COL3A1: variants seen among roughly 807,000 people sequenced by gnomAD.
COL3A1 encodes collagen alpha-1(III) chain.
COL3A1 carries 46 observed loss-of-function variants against 200.9 expected under a neutral mutation model. That is an observed-to-expected ratio of 0.23 (90% confidence interval 0.18 to 0.29). The LOEUF is 0.29. COL3A1 is among the 10% of genes least tolerant of loss of function. COL3A1 has a pLI of 1.00. For missense variants in COL3A1, 1,367 were observed against 1,917.6 expected (o/e 0.71, Z 5.36); for synonymous variants, 650 against 628.0 (o/e 1.03, Z -0.52).
intron 24 of COL3A1, 46 bp downstream of exon 24, chr2:188,996,542 C>CTT (rs777107185): frequency 2.0e-6 from 3 of 1,493,746 alleles, no homozygotes; most frequent in Non-Finnish European, 2.8e-6. Context: ...GACTGGAAGG[C>CTT]TTTTATTTTC....
chr2:189,006,441 A>C lies in COL3A1; in HGVS notation c.3190A>C (p.Arg1064=), dbSNP rs1688588166. Reference sequence around the variant, plus strand: ...CGGTCCAGCTGGAAAGAGTGGTGACAGAGGAGAAAGTGTGAGTTCCCAAAA... The same window carrying C: ...CGGTCCAGCTGGAAAGAGTGGTGACCGAGGAGAAAGTGTGAGTTCCCAAAA... ...PVGPAGKSGD[R]GESGPAGPAG... Residue 1064 remains arginine, a synonymous_variant, in exon 43 of 51, where the codon AGA becomes CGA. Transcript: ENST00000304636. 6.2e-7 allele frequency: 1 copy of C among 1,613,938 alleles called. No individual in the cohort carries two copies. Among genetic ancestry groups the C allele is most frequent in the Admixed American group, 1.7e-5 (1 of 59,994 alleles).
rs373994011 is a variant in COL3A1 at position 189,004,252 on chromosome 2, A to G, written c.2824-5A>G. 1 of 1,601,406 alleles carries G rather than the reference A, an allele frequency of 6.2e-7. No homozygotes were observed. Among genetic ancestry groups the G allele is most frequent in the Non-Finnish European group, 8.5e-7 (1 of 1,173,798 alleles). On this transcript the variant is annotated splice_region_variant and splice_polypyrimidine_tract_variant and intron_variant, in intron 39 of 50. Coordinates refer to ENST00000304636, the MANE Select transcript of COL3A1 (RefSeq NM_000090.4). ...GATGAGCTAAGTCTTCATTATCTGT[A>G]TTAGGGAGCTCCAGGCCCACTTGGG...
intron 16 of COL3A1, 146 bp from the exon 17 acceptor site, chr2:188,993,892 C>G (rs1688239880): frequency 1.3e-6 from 1 of 744,490 alleles, no homozygotes; most frequent in Non-Finnish European, 2.3e-6. Context: ...GACCACATTT[C>G]ATATGTTGTG....
intron 41 of COL3A1, among the ~76,000 whole-genome samples, chr2:189,005,804 A>G (rs1046445115): frequency 6.6e-6 from 1 of 151,990 alleles, no homozygotes; most frequent in African/African-American, 2.4e-5. Flanking sequence ...AATTAATATT[A>G]TTTATAATTA....
rs539425954 is a variant in COL3A1 at position 189,001,954 on chromosome 2, T to C, written c.2392-344T>C. Reference sequence around the variant, plus strand: ...GGATTTAAGACTCTGGAAAGATATTTAGTAAATGGTTTTTAAAAATAAATC... The same window carrying C: ...GGATTTAAGACTCTGGAAAGATATTCAGTAAATGGTTTTTAAAAATAAATC... On this transcript the variant is annotated intron_variant, in intron 34 of 50. Transcript: ENST00000304636. Among the ~76,000 whole-genome samples, 8 of 152,328 alleles carry C rather than the reference T, an allele frequency of 5.3e-5. No homozygotes were observed. In the South Asian group the frequency reaches 8.3e-4, roughly 16 times the overall value.
rs1370028572 is a variant in COL3A1 at position 188,990,222 on chromosome 2, T to C, written c.744+73T>C. 1.3e-5 allele frequency: 21 copies of C among 1,585,188 alleles called. No individual in the cohort carries two copies. In the East Asian group the frequency reaches 4.7e-4, roughly 36 times the overall value. On this transcript the variant is annotated intron_variant, in intron 9 of 50. Transcript: ENST00000304636. ...AAACTATTATGTAATTCAATGGAAT[T>C]AAACTTAAAAACAGAAAGTGTTTTA... is the stretch of plus-strand genomic sequence containing the variant.
chr2:188,991,653 C>A lies in COL3A1; in HGVS notation c.898-16C>A. ...TCAAGATTAGAGTAAAACCATATTT[C>A]AATTTTACTCTGTAGGGTCCAAGAG... is the stretch of plus-strand genomic sequence containing the variant. On this transcript the variant is annotated splice_polypyrimidine_tract_variant and intron_variant, in intron 12 of 50. Coordinates refer to ENST00000304636, the MANE Select transcript of COL3A1 (RefSeq NM_000090.4). 1 of 1,613,784 alleles carries A rather than the reference C, an allele frequency of 6.2e-7. No homozygotes were observed. Among genetic ancestry groups the A allele is most frequent in the Non-Finnish European group, 8.5e-7 (1 of 1,179,798 alleles).
At chr2:188,998,396 A>G in intron 28 of COL3A1, 77 bp downstream of exon 28, 1 of 1,253,586 alleles carries the variant, frequency 8.0e-7, no homozygotes, top group Non-Finnish European at 1.2e-6. Flanking sequence ...TTAACTTCTT[A>G]ATTTTCTTAT....
At chr2:189,007,833 T>G in intron 45 of COL3A1, 52 bp from the exon 46 acceptor site, 4 of 1,594,518 alleles carry the variant, frequency 2.5e-6, no homozygotes, top group Non-Finnish European at 3.4e-6. Flanking sequence ...ATGTACAGTT[T>G]CCCAGTGCTT....
At chr2:188,981,085 A>G (rs1687943004) in intron 1 of COL3A1, among the ~76,000 whole-genome samples, 1 of 151,470 alleles carries the variant, frequency 6.6e-6, no homozygotes, top group Non-Finnish European at 1.5e-5. Context: ...GACAAACATA[A>G]CATTCATTTT....
chr2:188,997,540 T>C lies in COL3A1; in HGVS notation c.1869+151T>C, dbSNP rs1688356766. ...CTGACCTAGTTATCTAGCTAAATGC[T>C]AGCATTGAGTTTAGAGTGTACATGT... On this transcript the variant is annotated intron_variant, in intron 26 of 50. Transcript: ENST00000304636. 3.5e-6 allele frequency: 4 copies of C among 1,142,788 alleles called. No individual in the cohort carries two copies. In the East Asian group the frequency reaches 7.5e-5, roughly 21 times the overall value. The allele number at this position is 1,142,788 out of a possible 1,614,324, so 70.8% of individuals were successfully genotyped here. A position where few individuals can be genotyped will look rare whatever the true frequency, so the allele number is the denominator to read the frequency against.
Position 188,994,953 on chromosome 2 carries a change from G to A in COL3A1, c.1456-93G>A. On this transcript the variant is annotated intron_variant, in intron 20 of 50. Coordinates refer to ENST00000304636, the MANE Select transcript of COL3A1 (RefSeq NM_000090.4). This position sits in a 1 kb window ranked among gnomAD's most constrained non-coding sequence, Gnocchi z 4.5. ...GTGTTCAGTGAAAATATTGTTTAAA[G>A]CATTCTATGACATAAAAATATTTGC... is the stretch of plus-strand genomic sequence containing the variant. 6.4e-7 allele frequency: 1 copy of A among 1,551,244 alleles called. No individual in the cohort carries two copies. The highest frequency in any genetic ancestry group is 8.9e-7 in the Non-Finnish European group (1 of 1,123,276).
Position 189,006,278 on chromosome 2 carries a change from C to A in COL3A1, c.3093+19C>A. The A allele has an allele frequency of 6.2e-7, 1 of 1,613,768 alleles. No homozygotes were observed. ...TGGCAAGGTATAATAAACACATGTG[C>A]AATTGATTTGTGTTATCAAAATAAG... On this transcript the variant is annotated intron_variant, in intron 42 of 50. Coordinates refer to ENST00000304636, the MANE Select transcript of COL3A1 (RefSeq NM_000090.4).
At position 188,999,606 on chromosome 2, in the gene COL3A1, A is replaced by G. The variant is rs1369650213; in HGVS notation, c.2229+29A>G. ...TTGACTTGTTTTCTCTTAATTGTTC[A>G]ATAAATCAGTCATTGTAGGTTTTAA... On this transcript the variant is annotated intron_variant, in intron 31 of 50. Transcript: ENST00000304636. 2.5e-6 allele frequency: 4 copies of G among 1,604,044 alleles called. No homozygotes were observed. In the East Asian group the frequency reaches 8.9e-5, roughly 36 times the overall value.
intron 5 of COL3A1, 120 bp from the exon 6 acceptor site, chr2:188,987,961 A>G (rs941159179): frequency 6.4e-6 from 5 of 776,452 alleles, no homozygotes; most frequent in Admixed American, 2.0e-5. Context: ...TCAAAAAGTT[A>G]TCAAAAGATG....
chr2:188,994,152 A>G lies in COL3A1; in HGVS notation c.1194+70A>G. 2.5e-6 allele frequency: 4 copies of G among 1,611,480 alleles called. No homozygotes were observed. In the South Asian group the frequency reaches 4.4e-5, roughly 18 times the overall value. On this transcript the variant is annotated intron_variant, in intron 17 of 50. Coordinates refer to ENST00000304636, the MANE Select transcript of COL3A1 (RefSeq NM_000090.4). This position sits in a 1 kb window ranked among gnomAD's most constrained non-coding sequence, Gnocchi z 4.5. ...TGGCTTCTTTTGCATTTTGCATGAC[A>G]ATAGATTTGTGATATTTAAGTGAGA...
At position 188,988,604 on chromosome 2, in the gene COL3A1, C is replaced by T. The variant is rs1441616867; in HGVS notation, c.597C>T (p.Tyr199=). 6.2e-7 allele frequency: 1 copy of T among 1,606,950 alleles called. No homozygotes were observed. Among genetic ancestry groups the T allele is most frequent in the South Asian group, 1.1e-5 (1 of 90,756 alleles). ...CTACTCACTAGGGATCTCCAGGATA[C>T]CAAGGACCCCCTGGTGAACCTGGGC... ...GHPGSPGSPG[Y]QGPPGEPGQA... The change falls in exon 7 of 51, where the codon TAC becomes TAT. Residue 199 remains tyrosine (Y), a synonymous_variant. Transcript: ENST00000304636.
At chr2:188,977,789 G>A (rs182329911) in intron 1 of COL3A1, among the ~76,000 whole-genome samples, 10 of 151,882 alleles carry the variant, frequency 6.6e-5, no homozygotes, top group African/African-American at 1.2e-4. Context: ...ATTATATATC[G>A]TCCTAGAAAG....
intron 32 of COL3A1, among the ~76,000 whole-genome samples, chr2:189,000,667 CA>C (rs1172820049): frequency 1.3e-5 from 2 of 152,020 alleles, no homozygotes; most frequent in Non-Finnish European, 1.5e-5. Context: ...TGGATGGTAT[CA>C]ATGTCAATTT....
Sources: gnomAD v4.1 joint callset for allele counts (sites outside exome capture counted in the v4.1 genomes callset) on GRCh38, gnomAD v4.1.1 for gene constraint, Gnocchi (gnomAD v3.1) non-coding constraint, MANE v1.5 for transcripts, NCBI Gene and HGNC (gene_info 2026-07-23, HGNC 2026-07-21) for gene names.